CFAP36: variants seen among roughly 807,000 people sequenced by gnomAD.
CFAP36 encodes cilia and flagella associated protein 36.
A neutral mutation model predicts 50.5 loss-of-function variants in CFAP36; 37 were observed. That is an observed-to-expected ratio of 0.73 (90% CI 0.56 to 0.96). The LOEUF is 0.96. Ranked by LOEUF, CFAP36 falls within the 50% of genes least tolerant of loss-of-function variation. The pLI is 0.00. For synonymous variants in CFAP36, 138 were observed against 128.2 expected (o/e 1.08, Z -0.52); for missense variants, 407 against 396.2 (o/e 1.03, Z -0.23).
rs567259044 is a variant in CFAP36, at chr2:55,519,931, C to T, written c.115+15C>T. The T allele has an allele frequency of 6.2e-7, 1 of 1,610,968 alleles. No homozygotes were observed. Among genetic ancestry groups the T allele is most frequent in the African/African-American group, 1.3e-5 (1 of 75,002 alleles). On this transcript the variant is annotated intron_variant, in intron 1 of 9. Transcript: ENST00000349456. ...GAAATGTGAAGGTAAAAACCAGAGCCCGAACCGACAATCCTTTTCTCCTCT... is the reference window on the plus strand; with the variant it reads ...GAAATGTGAAGGTAAAAACCAGAGCTCGAACCGACAATCCTTTTCTCCTCT...
chr2:55,524,985 A>C (rs945565636), intron 3 of CFAP36, among the ~76,000 whole-genome samples: 7 of 152,028 alleles, frequency 4.6e-5, no homozygotes, highest in African/African-American at 1.7e-4. Context: ...GTCTAAAAAA[A>C]AAAAACAAAA....
At chr2:55,543,656 T>C (rs1684698013) in intron 7 of CFAP36, among the ~76,000 whole-genome samples, 1 of 152,134 alleles carries the variant, frequency 6.6e-6, no homozygotes, top group Non-Finnish European at 1.5e-5. Context: ...TAGACAAGGA[T>C]TTTAGCTTTT....
chr2:55,543,945 A>T lies in CFAP36; in HGVS notation c.648A>T (p.Lys216Asn). ...TTGTCTACTTATTGCCAGAAGTTAA[A>T]ATGCATTTTGCTAATCAGTCAATAG... is the stretch of plus-strand genomic sequence containing the variant. The part of the protein sequence containing the change: ...EHFAHPPSEV[K>N]MHFANQSIEP... The change falls in exon 8 of 10, where the codon AAA becomes AAT. Residue 216 changes from lysine to asparagine, a missense_variant. Lys to Asn is a moderately conservative substitution (Grantham distance 94). Coordinates refer to ENST00000349456, the MANE Select transcript of CFAP36 (RefSeq NM_080667.7). The T allele has an allele frequency of 6.2e-7, 1 of 1,611,788 alleles. No individual in the cohort carries two copies. The highest frequency in any genetic ancestry group is 8.5e-7 in the Non-Finnish European group (1 of 1,178,946).
At chr2:55,522,301 C>T (rs1448789537) in intron 2 of CFAP36, 135 bp downstream of exon 2, 1 of 536,304 alleles carries the variant, frequency 1.9e-6, no homozygotes, top group East Asian at 3.1e-5. Context: ...ACAATAGTGC[C>T]AGTTATATCT....
chr2:55,531,943 A>G (rs931443491), intron 4 of CFAP36, among the ~76,000 whole-genome samples: 8 of 152,198 alleles, frequency 5.3e-5, no homozygotes, highest in Non-Finnish European at 1.2e-4. Context: ...AATAATGACT[A>G]TTGTCAGGCC....
chr2:55,529,889 G>A (rs750522451), intron 4 of CFAP36, among the ~76,000 whole-genome samples: 2 of 152,056 alleles, frequency 1.3e-5, no homozygotes, highest in African/African-American at 2.4e-5. Context: ...CTCGTGATCC[G>A]CCCGCCTTGG....
At chr2:55,541,045 CAGG>C (rs1684625431) in intron 7 of CFAP36, among the ~76,000 whole-genome samples, 1 of 151,794 alleles carries the variant, frequency 6.6e-6, no homozygotes, top group Non-Finnish European at 1.5e-5. Context: ...AAAAAAAGGC[CAGG>C]AGTAGTGGCT....
chr2:55,519,963 CCAGCGGCGGG>C, intron 1 of CFAP36, 47 bp downstream of exon 1: 1 of 1,566,960 alleles, frequency 6.4e-7, no homozygotes, highest in Non-Finnish European at 8.8e-7. Flanking sequence ...CTCTCTCACA[CCAGCGGCGGG>C]CAGGGGGTTG....
chr2:55,537,560 T>G lies in CFAP36; in HGVS notation c.615T>G (p.Gly205=), dbSNP rs768560123. ...TAATGAATAATTCCCAAGGGGATGGTGAACATTTTGCACACCCACCCTCAG... is the reference window on the plus strand; with the variant it reads ...TAATGAATAATTCCCAAGGGGATGGGGAACATTTTGCACACCCACCCTCAG... ...AAIMNNSQGD[G]EHFAHPPSEV... The change falls in exon 7 of 10, where the codon GGT becomes GGG. Residue 205 remains glycine (G), a synonymous_variant. Transcript: ENST00000349456. The G allele has an allele frequency of 6.2e-7, 1 of 1,613,350 alleles. No individual in the cohort carries two copies. The highest frequency in any genetic ancestry group is 8.5e-7 in the Non-Finnish European group (1 of 1,179,592).
rs112367385 is a variant in CFAP36, at chr2:55,536,134, A to AT, written c.537+387dup. ...TTGTCCTGGTAACTCACAGAACAAC[A>AT]TTTTTTTTTTTTTTTTGAGATTGAG... On this transcript the variant is annotated intron_variant, in intron 6 of 9. Coordinates refer to ENST00000349456, the MANE Select transcript of CFAP36 (RefSeq NM_080667.7). 1.9e-3 allele frequency among the ~76,000 whole-genome samples: 260 copies of AT among 136,910 alleles called. 1 individual carries two copies. The highest frequency in any genetic ancestry group is 5.2e-3 in the Admixed American group (71 of 13,534). 89.8% of individuals were successfully genotyped at this position (136,910 alleles called of 152,430 possible).
rs373516229 is a variant in CFAP36 at position 55,531,928 on chromosome 2, T to G, written c.398-1945T>G. On this transcript the variant is annotated intron_variant, in intron 4 of 9. Coordinates refer to ENST00000349456, the MANE Select transcript of CFAP36 (RefSeq NM_080667.7). Reference sequence around the variant, plus strand: ...TAGCAAGGGAGGAGGAGGGGAATGATGTAGAATAATGACTATTGTCAGGCC... The same window carrying G: ...TAGCAAGGGAGGAGGAGGGGAATGAGGTAGAATAATGACTATTGTCAGGCC... Among the ~76,000 whole-genome samples, 34 of 152,330 alleles carry G rather than the reference T, an allele frequency of 2.2e-4. 1 individual carries two copies. The East Asian group carries it at 4.0e-3, about 18-fold the overall frequency.
At chr2:55,532,322 TTAA>T (rs1246431379) in intron 4 of CFAP36, among the ~76,000 whole-genome samples, 1 of 152,234 alleles carries the variant, frequency 6.6e-6, no homozygotes, top group African/African-American at 2.4e-5. Flanking sequence ...AAAATAGTTC[TTAA>T]TGATGAGAAA....
At chr2:55,520,682 A>G (rs1173876765) in intron 1 of CFAP36, among the ~76,000 whole-genome samples, 2 of 152,192 alleles carry the variant, frequency 1.3e-5, no homozygotes, top group Non-Finnish European at 2.9e-5. Flanking sequence ...GGAACCAGAA[A>G]CCACGTCATA....
chr2:55,530,749 T>G (rs17369191), intron 4 of CFAP36, among the ~76,000 whole-genome samples: 2 of 152,078 alleles, frequency 1.3e-5, no homozygotes, highest in African/African-American at 2.4e-5. Context: ...TAACCTCACC[T>G]TAATTTCTAT....
intron 4 of CFAP36, 74 bp from the exon 5 acceptor site, chr2:55,533,799 G>C: frequency 1.3e-6 from 1 of 771,914 alleles, no homozygotes. Context: ...TTGTACTTAA[G>C]GAACGAGAAC....
chr2:55,525,789 C>T (rs1018509027), intron 3 of CFAP36, among the ~76,000 whole-genome samples: 2 of 152,176 alleles, frequency 1.3e-5, no homozygotes, highest in Non-Finnish European at 2.9e-5. Context: ...CACCACCATG[C>T]CCGGCTAAGT....
chr2:55,544,863 T>G (rs1272122190), intron 9 of CFAP36, 44 bp from the exon 10 acceptor site: 2 of 1,302,530 alleles, frequency 1.5e-6, no homozygotes, highest in Admixed American at 2.4e-5. Context: ...TTTAGACAAA[T>G]TACCCTATTT....
chr2:55,540,180 G>C (rs1684597289), intron 7 of CFAP36, among the ~76,000 whole-genome samples: 1 of 152,084 alleles, frequency 6.6e-6, no homozygotes, highest in Non-Finnish European at 1.5e-5. Context: ...TGCCTTTGGT[G>C]TTGTATCAAA....
intron 7 of CFAP36, chr2:55,538,658 G>T: frequency 1.2e-6 from 1 of 847,884 alleles, no homozygotes; most frequent in Admixed American, 3.0e-5. Context: ...CCCAGGCTGG[G>T]TCTCAAACTC....
Sources: allele counts gnomAD v4.1 joint callset (sites outside exome capture counted in the v4.1 genomes callset), GRCh38; gene constraint gnomAD v4.1.1; transcripts MANE v1.5; gene names NCBI Gene and HGNC (gene_info 2026-07-23, HGNC 2026-07-21).